ANKS3: variants seen among roughly 807,000 people sequenced by gnomAD.
ANKS3 encodes the protein ankyrin repeat and SAM domain-containing protein 3.
A neutral mutation model predicts 80.7 loss-of-function variants in ANKS3; 62 were observed. That is an observed-to-expected ratio of 0.77 (90% CI 0.63 to 0.95). The LOEUF is 0.95. ANKS3 is among the 40% of genes least tolerant of loss of function. ANKS3 has a pLI of 0.00. For missense variants in ANKS3, 1,150 were observed against 883.6 expected, an observed-to-expected ratio of 1.30 and a Z score of -3.82; for synonymous variants, 489 against 355.3, an observed-to-expected ratio of 1.38 and a Z score of -4.23.
chr16:4,715,675 G>T (rs755840175), intron 6 of ANKS3, among the ~76,000 whole-genome samples: 1 of 152,132 alleles, frequency 6.6e-6, no homozygotes, highest in Non-Finnish European at 1.5e-5. Flanking sequence ...AAATTACACA[G>T]AAAACAATAT....
At chr16:4,715,575 A>C (rs1380628694) in intron 6 of ANKS3, among the ~76,000 whole-genome samples, 1 of 152,166 alleles carries the variant, frequency 6.6e-6, no homozygotes, top group Non-Finnish European at 1.5e-5. Context: ...CAGCCTGGGC[A>C]ATAGAGCGAG....
intron 3 of ANKS3, among the ~76,000 whole-genome samples, chr16:4,728,339 C>G (rs1326023449): frequency 6.6e-6 from 1 of 152,130 alleles, no homozygotes; most frequent in African/African-American, 2.4e-5. Context: ...CCACCGCGCC[C>G]AGCCGGGATT....
Position 4,701,031 on chromosome 16 carries a change from C to A in ANKS3, c.1223G>T (p.Arg408Met), listed in dbSNP as rs1418743478. ...SQWPPRAATD[R>M]EGFLAESSPQ... ...GCTGGACTCAGCGAGAAAGCCTTCC[C>A]TGTCAGTTGCAGCGCGGGGAGGCCA... Residue 408 changes from arginine to methionine, a missense_variant, in exon 11 of 18, where the codon AGG becomes ATG. Physicochemically the swap from Arg to Met is moderately conservative, Grantham distance 91. Transcript: ENST00000304283. 6.2e-7 allele frequency: 1 copy of A among 1,614,100 alleles called. No homozygotes were observed. Among genetic ancestry groups the A allele is most frequent in the Admixed American group, 1.7e-5 (1 of 60,028 alleles).
intron 7 of ANKS3, among the ~76,000 whole-genome samples, chr16:4,713,592 T>C (rs755115682): frequency 1.6e-4 from 24 of 152,150 alleles, no homozygotes; most frequent in Non-Finnish European, 2.9e-4. Flanking sequence ...CAAAAGTACA[T>C]TGGAACAAGA....
chr16:4,727,955 A>G (rs2081437331), intron 3 of ANKS3: 1 of 152,334 alleles, frequency 6.6e-6, no homozygotes, highest in Non-Finnish European at 1.5e-5. Context: ...GTTAACGCCC[A>G]CAGGCCTTCT....
intron 7 of ANKS3, among the ~76,000 whole-genome samples, chr16:4,711,264 C>G (rs1339281563): frequency 6.6e-6 from 1 of 151,654 alleles, no homozygotes; most frequent in Non-Finnish European, 1.5e-5. Flanking sequence ...CCACTACGCC[C>G]AGCTAATTTT....
rs578111520 is a variant in ANKS3 at position 4,722,056 on chromosome 16, G to A, written c.573+2694C>T. ...CATGTGTGGGTGTATTCCCAGAGTC[G>A]CCCGTGGGGAGGGTGCCAAGGAGAC... On this transcript the variant is annotated intron_variant, in intron 6 of 17. Transcript: ENST00000304283. 6.9e-4 allele frequency among the ~76,000 whole-genome samples: 105 copies of A among 151,494 alleles called. 3 individuals are homozygous for A. Among genetic ancestry groups the A allele is most frequent in the African/African-American group, 1.0e-3 (42 of 41,526 alleles).
intron 14 of ANKS3, 88 bp from the exon 15 acceptor site, chr16:4,698,150 C>T (rs1596340782): frequency 7.0e-7 from 1 of 1,425,996 alleles, no homozygotes; most frequent in East Asian, 2.5e-5. Flanking sequence ...GAGGGAGGGG[C>T]TCAGCCCTGT....
In ANKS3 at chr16:4,701,097, T is replaced by G; in HGVS notation, c.1157A>C (p.Gln386Pro). The G allele has an allele frequency of 6.2e-7, 1 of 1,613,974 alleles. No homozygotes were observed. ...CTTGGTCTTCATGTAACTTTTAGCT[T>G]GTTTGCGAGCTGAGCTTTTACAGGC... ...DHACKSSARK[Q>P]AKSYMKTKNP... The change falls in exon 11 of 18, where the codon CAA becomes CCA. Residue 386 changes from glutamine to proline, a missense_variant. Transcript: ENST00000304283.
At chr16:4,729,817 A>G in intron 3 of ANKS3, 163 bp downstream of exon 3, 1 of 666,774 alleles carries the variant, frequency 1.5e-6, no homozygotes, top group Non-Finnish European at 2.2e-6. Flanking sequence ...CCTCTTTGTC[A>G]GGGCTCAGCA....
chr16:4,726,548 G>A lies in ANKS3; in HGVS notation c.491+111C>T, dbSNP rs138846444. On this transcript the variant is annotated intron_variant, in intron 5 of 17. Transcript: ENST00000304283. The stretch of plus-strand genomic sequence containing the variant: ...TCCTACCCCTCATCTTGAGCCTCTC[G>A]TGCCGAAGCAGGGTGGCCCTAAACT... 2,400 of 1,177,826 alleles carry A rather than the reference G, an allele frequency of 2.0e-3. 15 individuals are homozygous for A. Among genetic ancestry groups the A allele is most frequent in the African/African-American group, 7.5e-3 (494 of 65,854 alleles). 73.0% of individuals were successfully genotyped at this position (1,177,826 alleles called of 1,614,324 possible).
At chr16:4,714,842 A>C (rs2080701327) in intron 6 of ANKS3, among the ~76,000 whole-genome samples, 4 of 151,926 alleles carry the variant, frequency 2.6e-5, no homozygotes, top group Admixed American at 2.6e-4. Context: ...AAATACAAAA[A>C]TTAGCCGGGC....
intron 7 of ANKS3, among the ~76,000 whole-genome samples, chr16:4,705,716 T>C (rs1340780806): frequency 6.6e-6 from 1 of 152,110 alleles, no homozygotes; most frequent in Non-Finnish European, 1.5e-5. Flanking sequence ...TGCCTTGGCC[T>C]CCCAAAGTGC....
chr16:4,698,543 G>A lies in ANKS3; in HGVS notation c.1608C>T (p.Arg536=), dbSNP rs369097147. ...RGQVCQEQEL[R]AVVESCLLEQ... ...CCAGCAGGCAGCTCTCCACCACGGC[G>A]CGCAGCTCCTGCTCCTGACACACCT... Residue 536 remains arginine, a synonymous_variant, in exon 14 of 18, where the codon CGC becomes CGT. Transcript: ENST00000304283. The A allele has an allele frequency of 6.6e-5, 104 of 1,579,186 alleles. 2 individuals are homozygous for A. Among genetic ancestry groups the A allele is most frequent in the African/African-American group, 6.6e-4 (49 of 74,484 alleles).
chr16:4,701,420 G>A lies in ANKS3; in HGVS notation c.1119+14C>T. On this transcript the variant is annotated intron_variant, in intron 10 of 17. Coordinates refer to ENST00000304283, the MANE Select transcript of ANKS3 (RefSeq NM_133450.4). ...GGACCGGCTATGGGAGACCAAGAAA[G>A]AAAGAATCCGTACCTCGTTGCTCTC... The A allele has an allele frequency of 1.9e-6, 3 of 1,582,506 alleles. No homozygotes were observed. Among genetic ancestry groups the A allele is most frequent in the African/African-American group, 1.4e-5 (1 of 73,922 alleles).
Position 4,718,264 on chromosome 16 carries a change from T to C in ANKS3, c.574-4078A>G, listed in dbSNP as rs540804629. On this transcript the variant is annotated intron_variant, in intron 6 of 17. Coordinates refer to ENST00000304283, the MANE Select transcript of ANKS3 (RefSeq NM_133450.4). The stretch of plus-strand genomic sequence containing the variant: ...ACTTAGGCTTTAAGAGACTTTTTTT[T>C]CCTATTTTATAATGTCCATATTACT... 9.0e-4 allele frequency among the ~76,000 whole-genome samples: 137 copies of C among 152,236 alleles called. 2 individuals carry two copies. Among genetic ancestry groups the C allele is most frequent in the African/African-American group, 3.0e-3 (126 of 41,530 alleles).
At chr16:4,732,767 C>G (rs1465085637) in intron 1 of ANKS3, among the ~76,000 whole-genome samples, 1 of 150,574 alleles carries the variant, frequency 6.6e-6, no homozygotes, top group Non-Finnish European at 1.5e-5. Flanking sequence ...AGAGATAAGA[C>G]GTTTTAGTTT....
At chr16:4,699,378 G>A (rs920117938) in intron 11 of ANKS3, 54 of 639,754 alleles carry the variant, frequency 8.4e-5, no homozygotes, top group East Asian at 5.6e-4. Flanking sequence ...CACTATGGTC[G>A]GCCACGTGGG....
chr16:4,727,071 C>A lies in ANKS3; in HGVS notation c.277G>T (p.Val93Leu). The A allele has an allele frequency of 3.7e-6, 6 of 1,614,188 alleles. No individual in the cohort carries two copies. Among genetic ancestry groups the A allele is most frequent in the Non-Finnish European group, 5.1e-6 (6 of 1,180,050 alleles). Reference sequence around the variant, plus strand: ...TCTGGGGTCGGCACATTCACACTCACCCCCGCCTCAAGCAGCAGGTGCACG... The same window carrying A: ...TCTGGGGTCGGCACATTCACACTCAACCCCGCCTCAAGCAGCAGGTGCACG... The part of the protein sequence containing the change: ...TIVHLLLEAG[V>L]SVNVPTPEGQ... Residue 93 changes from valine (V) to leucine (L), a missense_variant, in exon 4 of 18, where the codon GTG becomes TTG. Val to Leu is a conservative substitution (Grantham distance 32). Coordinates refer to ENST00000304283, the MANE Select transcript of ANKS3 (RefSeq NM_133450.4).
Sources: allele counts gnomAD v4.1 joint callset (sites outside exome capture counted in the v4.1 genomes callset), GRCh38; gene constraint gnomAD v4.1.1; transcripts MANE v1.5; gene names NCBI Gene and HGNC (gene_info 2026-07-23, HGNC 2026-07-21).